DISP3: variants seen among roughly 807,000 people sequenced by gnomAD.
DISP3 encodes the protein dispatched RND transporter family member 3.
DISP3 carries 101 observed loss-of-function variants against 135.3 expected under a neutral mutation model. That is an observed-to-expected ratio of 0.75 (90% CI 0.64 to 0.88). DISP3 has a LOEUF of 0.88. DISP3 is among the 40% of genes least tolerant of loss of function. The pLI is 0.00. For missense variants in DISP3, 1,713 were observed against 1,878.6 expected (o/e 0.91, Z 1.63); for synonymous variants, 856 against 817.0 (o/e 1.05, Z -0.81).
intron 13 of DISP3, among the ~76,000 whole-genome samples, chr1:11,527,370 A>G (rs1283445334): frequency 1.3e-5 from 2 of 152,100 alleles, no homozygotes; most frequent in Non-Finnish European, 2.9e-5. Context: ...TAACACAGTG[A>G]AACTCCTTCT....
At position 11,536,351 on chromosome 1, in the gene DISP3, A is replaced by G. The variant is rs1642705245; in HGVS notation, c.3844A>G (p.Thr1282Ala). 1 of 1,604,604 alleles carries G rather than the reference A, an allele frequency of 6.2e-7. No homozygotes were observed. The highest frequency in any genetic ancestry group is 8.5e-7 in the Non-Finnish European group (1 of 1,179,808). Residue 1282 changes from threonine to alanine, a missense_variant, in exon 21 of 21, where the codon ACG becomes GCG. Transcript: ENST00000294484. The surrounding 1 kb of genome is among the most constrained non-coding windows in gnomAD (Gnocchi z 4.3). ...EDARTQRQWR[T>A]LEAVRHVGVA... ...CGCCCGAACGCAGCGCCAGTGGCGT[A>G]CGCTGGAGGCCGTGCGGCACGTGGG...
chr1:11,535,743 AC>A, intron 20 of DISP3, 99 bp downstream of exon 20: 1 of 1,430,308 alleles, frequency 7.0e-7, no homozygotes, highest in Non-Finnish European at 9.4e-7. Flanking sequence ...ACATCCCAGC[AC>A]CAGGACCCCC....
intron 7 of DISP3, among the ~76,000 whole-genome samples, chr1:11,518,957 G>A (rs535705900): frequency 7.2e-5 from 11 of 152,092 alleles, no homozygotes; most frequent in African/African-American, 2.7e-4. Context: ...CCTCGGCCAC[G>A]CAGCTACACC....
chr1:11,529,782 C>A lies in DISP3; in HGVS notation c.2930-5C>A, dbSNP rs760638334. On this transcript the variant is annotated splice_polypyrimidine_tract_variant and splice_region_variant and intron_variant, in intron 14 of 20. Transcript: ENST00000294484. This position sits in a 1 kb window ranked among gnomAD's most constrained non-coding sequence, Gnocchi z 4.7. ...TCCCTTACAGCTGTGACTCCCTGTTCGCAGTGCCCAAGGCCCGTCTCTCAG... is the reference window on the plus strand; with the variant it reads ...TCCCTTACAGCTGTGACTCCCTGTTAGCAGTGCCCAAGGCCCGTCTCTCAG... 1.2e-6 allele frequency: 2 copies of A among 1,610,954 alleles called. No individual in the cohort carries two copies. The highest frequency in any genetic ancestry group is 2.2e-5 in the South Asian group (2 of 90,838).
At chr1:11,504,024 C>T (rs545806720) in intron 3 of DISP3, among the ~76,000 whole-genome samples, 2 of 152,254 alleles carry the variant, frequency 1.3e-5, no homozygotes, top group East Asian at 1.9e-4. Context: ...TTTCCCAGTC[C>T]CCCACCCTGA....
chr1:11,533,263 T>C (rs1159130705), intron 17 of DISP3, among the ~76,000 whole-genome samples: 18 of 147,182 alleles, frequency 1.2e-4, no homozygotes, highest in Non-Finnish European at 1.9e-4. Flanking sequence ...CTTTTTTTTT[T>C]TTTTTTTTTT....
intron 1 of DISP3, among the ~76,000 whole-genome samples, chr1:11,486,988 T>G (rs969382211): frequency 4.6e-5 from 7 of 152,192 alleles, no homozygotes; most frequent in African/African-American, 1.7e-4. Flanking sequence ...CAGATTATGA[T>G]GATTTAACAG....
intron 3 of DISP3, among the ~76,000 whole-genome samples, chr1:11,503,908 G>A (rs1372338450): frequency 6.6e-6 from 1 of 152,104 alleles, no homozygotes; most frequent in Non-Finnish European, 1.5e-5. Context: ...CAGATGTGAC[G>A]GTGCTTTGGG....
intron 3 of DISP3, among the ~76,000 whole-genome samples, chr1:11,505,883 C>G (rs149304315): frequency 5.1e-4 from 77 of 152,212 alleles, no homozygotes; most frequent in Non-Finnish European, 6.6e-4. Context: ...TCATGTTTCC[C>G]TCTGGGATCA....
intron 18 of DISP3, 75 bp from the exon 19 acceptor site, chr1:11,534,936 A>C (rs950174718): frequency 2.0e-4 from 262 of 1,321,318 alleles, no homozygotes; most frequent in Non-Finnish European, 2.5e-4. Flanking sequence ...AGAGAGGTCA[A>C]GGGCTCACCC....
At chr1:11,484,847 T>A (rs1004911426) in intron 1 of DISP3, among the ~76,000 whole-genome samples, 1 of 152,148 alleles carries the variant, frequency 6.6e-6, no homozygotes, top group Non-Finnish European at 1.5e-5. Flanking sequence ...CACAGAGTGA[T>A]GTCCTGGGAG....
chr1:11,501,097 G>A lies in DISP3; in HGVS notation c.105G>A (p.Gly35=). 1 of 1,614,074 alleles carries A rather than the reference G, an allele frequency of 6.2e-7. No homozygotes were observed. Among genetic ancestry groups the A allele is most frequent in the Non-Finnish European group, 8.5e-7 (1 of 1,179,970 alleles). Residue 35 remains glycine, a synonymous_variant, in exon 2 of 21, where the codon GGG becomes GGA. Transcript: ENST00000294484. The surrounding 1 kb of genome is among the most constrained non-coding windows in gnomAD (Gnocchi z 4.9). ...GETFLGAQKP[G]PQPGAGGQCC... ...CCTTTTTAGGGGCCCAGAAGCCAGG[G>A]CCCCAACCTGGGGCAGGGGGACAGT...
Position 11,529,583 on chromosome 1 carries a change from G to GC in DISP3, c.2832dup (p.Phe945LeufsTer15), listed in dbSNP as rs35323994. ...AGCTGTACTTCGCCCAGTCCCACAA[G>GC]CCCCCCTTCCACGGGCGCGTATGCA... is the stretch of plus-strand genomic sequence containing the variant. On this transcript the variant is annotated frameshift_variant, in exon 14 of 21. Transcript: ENST00000294484. LOFTEE classifies it high-confidence loss of function. The surrounding 1 kb of genome is among the most constrained non-coding windows in gnomAD (Gnocchi z 4.7). 2 of 1,592,408 alleles carry GC rather than the reference G, an allele frequency of 1.3e-6. No homozygotes were observed. The highest frequency in any genetic ancestry group is 1.7e-6 in the Non-Finnish European group (2 of 1,165,982).
intron 10 of DISP3, among the ~76,000 whole-genome samples, chr1:11,521,686 G>A (rs1642200638): frequency 6.7e-6 from 1 of 150,206 alleles, no homozygotes; most frequent in Non-Finnish European, 1.5e-5. Flanking sequence ...GAGAGAAGAG[G>A]AGAGGTTAAC....
Position 11,501,849 on chromosome 1 carries a change from A to T in DISP3, c.857A>T (p.Glu286Val). 6.2e-7 allele frequency: 1 copy of T among 1,612,366 alleles called. No individual in the cohort carries two copies. The highest frequency in any genetic ancestry group is 8.5e-7 in the Non-Finnish European group (1 of 1,179,256). Reference sequence around the variant, plus strand: ...ATCTTCCTGGCGCGCGGCGACGCGGAGCGCAACATTTTCACCAGTGAGCGC... The same window carrying T: ...ATCTTCCTGGCGCGCGGCGACGCGGTGCGCAACATTTTCACCAGTGAGCGC... ...ELIFLARGDA[E>V]RNIFTSERLV... Residue 286 changes from glutamate (E) to valine (V), a missense_variant, in exon 2 of 21, where the codon GAG becomes GTG. By Grantham distance (121) the Glu-to-Val change is moderately radical (BLOSUM62 -2). This residue lies in a region of DISP3 where 571 missense variants were observed against 494.1 expected (regional missense o/e 1.16). Transcript: ENST00000294484. The surrounding 1 kb of genome is among the most constrained non-coding windows in gnomAD (Gnocchi z 4.9).
chr1:11,480,019 A>G (rs1007794763), intron 1 of DISP3, among the ~76,000 whole-genome samples: 8 of 152,156 alleles, frequency 5.3e-5, no homozygotes, highest in African/African-American at 1.9e-4. Context: ...GCAGCCGGGC[A>G]GTGGCGGCGC....
chr1:11,521,202 G>A (rs1160537165), intron 10 of DISP3, among the ~76,000 whole-genome samples: 4 of 151,508 alleles, frequency 2.6e-5, no homozygotes, highest in South Asian at 2.1e-4. Context: ...AGGAAGTAAC[G>A]TCTAGGCCAC....
chr1:11,516,094 C>T lies in DISP3; in HGVS notation c.1682C>T (p.Ala561Val), dbSNP rs1642004232. ...QLRMIHTVQT[A>V]GKATFFTSLT... ...CGCATGATCCACACCGTCCAAACTG[C>T]AGGCAAGGCCACCTTCTTCACCTCC... The change falls in exon 6 of 21, where the codon GCA becomes GTA. Residue 561 changes from alanine (A) to valine (V), a missense_variant. Physicochemically the swap from Ala to Val is moderately conservative, Grantham distance 64. Transcript: ENST00000294484. The surrounding 1 kb of genome is among the most constrained non-coding windows in gnomAD (Gnocchi z 5.1). The T allele has an allele frequency of 1.2e-6, 2 of 1,614,096 alleles. No homozygotes were observed.
chr1:11,527,420 G>C (rs1394207628), intron 13 of DISP3, among the ~76,000 whole-genome samples: 2 of 152,042 alleles, frequency 1.3e-5, no homozygotes, highest in South Asian at 2.1e-4. Flanking sequence ...ATGGTGGCAC[G>C]CACCTGTAAT....
Sources: allele counts gnomAD v4.1 joint callset (sites outside exome capture counted in the v4.1 genomes callset), GRCh38; gene constraint gnomAD v4.1.1; regional missense constraint gnomAD v4.1.1; non-coding constraint Gnocchi (gnomAD v3.1); transcripts MANE v1.5; gene names NCBI Gene and HGNC (gene_info 2026-07-23, HGNC 2026-07-21).